VPS53: variants seen among roughly 807,000 people sequenced by gnomAD.
VPS53 encodes the protein VPS53 subunit of GARP complex.
In VPS53, 70 loss-of-function variants were observed where a neutral mutation model predicts 107.0. The observed-to-expected ratio is 0.65, with a 90% CI of 0.54 to 0.80. The LOEUF is 0.80. Ranked by LOEUF, VPS53 falls within the 30% of genes least tolerant of loss-of-function variation. The pLI is 0.00. For missense variants in VPS53, 917 were observed against 1,049.4 expected (o/e 0.87, Z 1.74); for synonymous variants, 409 against 393.3 (o/e 1.04, Z -0.47).
intron 13 of VPS53, among the ~76,000 whole-genome samples, chr17:574,011 G>A (rs954724632): frequency 5.9e-5 from 9 of 152,174 alleles, no homozygotes; most frequent in East Asian, 5.8e-4. Flanking sequence ...TGACAAGAGC[G>A]TCGATGCTTT....
intron 11 of VPS53, among the ~76,000 whole-genome samples, chr17:619,122 C>T (rs1969324485): frequency 1.4e-5 from 2 of 145,790 alleles, no homozygotes; most frequent in African/African-American, 5.1e-5. Flanking sequence ...GCTGGGACTA[C>T]AGGTGTGCAC....
intron 15 of VPS53, among the ~76,000 whole-genome samples, chr17:553,762 G>A (rs968470304): frequency 6.6e-6 from 1 of 152,008 alleles, no homozygotes. Flanking sequence ...TAGAGATGGG[G>A]TTTCACCATG....
chr17:664,280 G>T (rs529862561), intron 4 of VPS53, among the ~76,000 whole-genome samples: 1 of 152,086 alleles, frequency 6.6e-6, no homozygotes, highest in African/African-American at 2.4e-5. Context: ...GGGTTTCACC[G>T]TGTTGGCCAG....
At chr17:612,869 A>G (rs1488870163) in intron 11 of VPS53, among the ~76,000 whole-genome samples, 1 of 149,702 alleles carries the variant, frequency 6.7e-6, no homozygotes, top group African/African-American at 2.6e-5. Context: ...TAGTGAATTC[A>G]CACAGTGAAA....
rs11463565 is a variant in VPS53 at position 518,766 on chromosome 17, CAAAAAAAAAAAAA to C, written c.*349_*361del. The C allele has an allele frequency of 9.5e-5, 5 of 52,394 alleles. No individual in the cohort carries two copies. Among genetic ancestry groups the C allele is most frequent in the African/African-American group, 2.1e-4 (4 of 18,792 alleles). The allele number at this position is 52,394 out of a possible 1,614,324, so 3.2% of individuals were successfully genotyped here. On this transcript the variant is annotated 3_prime_UTR_variant, in exon 22 of 22. Transcript: ENST00000437048. The stretch of plus-strand genomic sequence containing the variant: ...TGGGTGACAGAGCGAGACTCTGTCT[CAAAAAAAAAAAAA>C]AAAAAAAAAAAAAAGGACGGGTGGG...
chr17:641,155 C>T (rs1037896114), intron 7 of VPS53, among the ~76,000 whole-genome samples: 12 of 152,130 alleles, frequency 7.9e-5, no homozygotes, highest in African/African-American at 2.4e-4. Context: ...TGCGCCCAGC[C>T]TCTACCAATA....
chr17:546,925 A>C (rs910200274), intron 17 of VPS53, among the ~76,000 whole-genome samples: 1 of 124,288 alleles, frequency 8.0e-6, no homozygotes, highest in African/African-American at 3.2e-5. Flanking sequence ...CCCAGGCTGG[A>C]GTGCAGTGGT....
chr17:528,935 T>C (rs1909319523), intron 19 of VPS53, among the ~76,000 whole-genome samples: 1 of 152,168 alleles, frequency 6.6e-6, no homozygotes, highest in South Asian at 2.1e-4. Flanking sequence ...AGGAGTATAA[T>C]TGCTGGGCCC....
In VPS53 at chr17:697,647, C is replaced by T. The variant is rs897042114; in HGVS notation, c.219-163G>A. On this transcript the variant is annotated intron_variant, in intron 3 of 21. Coordinates refer to ENST00000437048, the MANE Select transcript of VPS53 (RefSeq NM_001128159.3). Reference sequence around the variant, plus strand: ...GTGGCATCAGGCAGGAGGAGGGCAGCGACAGCCGTGCGGGAAGTCAAGCCC... The same window carrying T: ...GTGGCATCAGGCAGGAGGAGGGCAGTGACAGCCGTGCGGGAAGTCAAGCCC... 5.9e-5 allele frequency among the ~76,000 whole-genome samples: 9 copies of T among 152,314 alleles called. No homozygotes were observed. In the South Asian group the frequency reaches 8.3e-4, roughly 14 times the overall value.
intron 7 of VPS53, among the ~76,000 whole-genome samples, chr17:642,477 A>C (rs997408386): frequency 2.0e-5 from 3 of 148,016 alleles, no homozygotes; most frequent in East Asian, 2.2e-4. Context: ...TCATACTTGG[A>C]AACCGAGGAC....
chr17:672,153 A>ACACACACACACAC (rs1193028603), intron 4 of VPS53, among the ~76,000 whole-genome samples: 104 of 58,352 alleles, frequency 1.8e-3, no homozygotes, highest in South Asian at 5.3e-3. Flanking sequence ...CACACACACA[A>ACACACACACACAC]TCTCTCTCTC....
At chr17:679,199 G>A (rs1363735307) in intron 4 of VPS53, among the ~76,000 whole-genome samples, 1 of 152,082 alleles carries the variant, frequency 6.6e-6, no homozygotes, top group Non-Finnish European at 1.5e-5. Context: ...GGGGGTGTGG[G>A]AAAGAGAAAA....
intron 4 of VPS53, 50 bp downstream of exon 4, chr17:697,367 GC>G (rs1210375678): frequency 6.8e-7 from 1 of 1,465,514 alleles, no homozygotes; most frequent in Admixed American, 1.7e-5. Context: ...TCATCTGGTT[GC>G]CGGGAGAAAC....
chr17:602,459 T>A (rs1968373344), intron 11 of VPS53, among the ~76,000 whole-genome samples: 1 of 152,208 alleles, frequency 6.6e-6, no homozygotes, highest in African/African-American at 2.4e-5. Flanking sequence ...TTAACAGATG[T>A]CTCTTCCCAA....
chr17:558,841 A>G (rs1597298477), intron 15 of VPS53, among the ~76,000 whole-genome samples: 1 of 149,864 alleles, frequency 6.7e-6, no homozygotes, highest in African/African-American at 2.5e-5. Flanking sequence ...AAAAAAATAC[A>G]AAAATTAGCC....
intron 5 of VPS53, among the ~76,000 whole-genome samples, chr17:658,665 A>T (rs1301523455): frequency 7.0e-6 from 1 of 142,906 alleles, no homozygotes; most frequent in African/African-American, 2.6e-5. Flanking sequence ...GAGTTCGTGG[A>T]TAGATACATC....
At chr17:653,830 T>C (rs1971060397) in intron 6 of VPS53, among the ~76,000 whole-genome samples, 1 of 152,208 alleles carries the variant, frequency 6.6e-6, no homozygotes, top group Admixed American at 6.5e-5. Flanking sequence ...GGGATGTTAC[T>C]ATCTGAGGAT....
rs1475032853 is a variant in VPS53, at chr17:532,923, A to G, written c.2016-12T>C. Reference sequence around the variant, plus strand: ...TGGGAATGAAGGAGCTGTGGATAAAAAAGAAGTGACAAATTAGGCTTATTC... The same window carrying G: ...TGGGAATGAAGGAGCTGTGGATAAAGAAGAAGTGACAAATTAGGCTTATTC... On this transcript the variant is annotated splice_polypyrimidine_tract_variant and intron_variant, in intron 18 of 21. Transcript: ENST00000437048. The G allele has an allele frequency of 6.2e-7, 1 of 1,612,610 alleles. No homozygotes were observed.
chr17:519,950 G>T lies in VPS53; in HGVS notation c.2224-20C>A. The T allele has an allele frequency of 1.3e-6, 2 of 1,531,158 alleles. No individual in the cohort carries two copies. Among genetic ancestry groups the T allele is most frequent in the South Asian group, 1.2e-5 (1 of 83,620 alleles). 94.8% of individuals were successfully genotyped at this position (1,531,158 alleles called of 1,614,324 possible). On this transcript the variant is annotated intron_variant, in intron 20 of 21. Transcript: ENST00000437048. The surrounding 1 kb of genome is among the most constrained non-coding windows in gnomAD (Gnocchi z 5.0). ...CACTACCTACAGCGGGAGGAGACAGGAGCAAGCCCCTCAGGAAAACTACCA... is the reference window on the plus strand; with the variant it reads ...CACTACCTACAGCGGGAGGAGACAGTAGCAAGCCCCTCAGGAAAACTACCA...
Sources: gnomAD v4.1 joint callset for allele counts (sites outside exome capture counted in the v4.1 genomes callset) on GRCh38, gnomAD v4.1.1 for gene constraint, Gnocchi (gnomAD v3.1) non-coding constraint, MANE v1.5 for transcripts, NCBI Gene and HGNC (gene_info 2026-07-23, HGNC 2026-07-21) for gene names.